CFAP54: variants seen among roughly 807,000 people sequenced by gnomAD.
CFAP54 encodes cilia- and flagella-associated protein 54.
CFAP54 carries 290 observed loss-of-function variants against 370.4 expected under a neutral mutation model. The ratio of observed to expected loss-of-function variants is 0.78; its 90% confidence interval spans 0.71 to 0.86. CFAP54 has a LOEUF of 0.86. Ranked by LOEUF, CFAP54 falls within the 40% of genes least tolerant of loss-of-function variation. CFAP54 has a pLI of 0.00. For missense variants in CFAP54, 3,399 were observed against 3,528.7 expected, an observed-to-expected ratio of 0.96 and a Z score of 0.93; for synonymous variants, 1,206 against 1,236.5, an observed-to-expected ratio of 0.98 and a Z score of 0.52.
chr12:96,866,438 AT>A, intron 67 of CFAP54, among the ~76,000 whole-genome samples: 1 of 152,280 alleles, frequency 6.6e-6, no homozygotes, highest in East Asian at 1.9e-4. Flanking sequence ...TTCAAAATTA[AT>A]TGCAAATGAA....
chr12:96,501,503 A>C (rs906782479), intron 2 of CFAP54, among the ~76,000 whole-genome samples: 3 of 152,198 alleles, frequency 2.0e-5, no homozygotes, highest in African/African-American at 7.2e-5. Context: ...TTCTACCTGA[A>C]TGTCTAGGGC....
intron 48 of CFAP54, among the ~76,000 whole-genome samples, chr12:96,717,112 A>G (rs548022131): frequency 6.6e-6 from 1 of 152,212 alleles, no homozygotes; most frequent in East Asian, 1.9e-4. Flanking sequence ...CTCATGTGGG[A>G]CCCATGTTAA....
At chr12:96,528,237 TTTG>T (rs1955404701) in intron 9 of CFAP54, among the ~76,000 whole-genome samples, 1 of 152,272 alleles carries the variant, frequency 6.6e-6, no homozygotes, top group South Asian at 2.1e-4. Flanking sequence ...AGTGTTTTTT[TTTG>T]TTGTTGTTTT....
At chr12:96,630,767 A>G in intron 32 of CFAP54, 116 bp downstream of exon 32, 1 of 490,864 alleles carries the variant, frequency 2.0e-6, no homozygotes, top group Non-Finnish European at 3.4e-6. Flanking sequence ...CACTGCCTTC[A>G]AGGAACTTAC....
In CFAP54 at chr12:96,765,213, T is replaced by C; in HGVS notation, c.8276T>C (p.Leu2759Ser). 6.6e-7 allele frequency: 1 copy of C among 1,508,716 alleles called. No homozygotes were observed. Among genetic ancestry groups the C allele is most frequent in the African/African-American group, 1.4e-5 (1 of 73,932 alleles). The allele number at this position is 1,508,716 out of a possible 1,614,324, so 93.5% of individuals were successfully genotyped here. Reference sequence around the variant, plus strand: ...CTTTTGTCTTCGTATACAGATTATTTGCTTGGTATGTTTGGATGTCTACAT... The same window carrying C: ...CTTTTGTCTTCGTATACAGATTATTCGCTTGGTATGTTTGGATGTCTACAT... ...LDLLSSYTDY[L>S]LDNYQVLFQT... The change falls in exon 60 of 68, where the codon TTG (leucine) becomes TCG (serine). Residue 2759 changes from leucine to serine, a missense_variant. Transcript: ENST00000524981.
In CFAP54 at chr12:96,522,109, A is replaced by C; in HGVS notation, c.1078A>C (p.Arg360=). The change falls in exon 8 of 68, where the codon AGA becomes CGA. Residue 360 remains arginine, a synonymous_variant. Coordinates refer to ENST00000524981, the MANE Select transcript of CFAP54 (RefSeq NM_001306084.2). ...TMKMAVMIFK[R]GVFESRRKNK... ...GCAGATGGCAGTGATGATCTTCAAA[A>C]GAGGAGTCTTTGAATCTAGAAGAAA... The C allele has an allele frequency of 6.5e-7, 1 of 1,535,738 alleles. No individual in the cohort carries two copies.
At chr12:96,685,602 A>G (rs1213963999) in intron 42 of CFAP54, among the ~76,000 whole-genome samples, 1 of 151,654 alleles carries the variant, frequency 6.6e-6, no homozygotes, top group African/African-American at 2.4e-5. Flanking sequence ...CCCTGGCTGG[A>G]GTGCAGTGGC....
chr12:96,764,189 A>G lies in CFAP54; in HGVS notation c.8079A>G (p.Ser2693=), dbSNP rs1471931996. Residue 2693 remains serine (S), a synonymous_variant, in exon 59 of 68, where the codon TCA becomes TCG. Coordinates refer to ENST00000524981, the MANE Select transcript of CFAP54 (RefSeq NM_001306084.2). ...GAAGTAGTTCTGTTAAAGAAACATC[A>G]GCAAATAAATTTGAAATGTACAGTT... ...LRRSSSVKET[S]ANKFEMYSSL... 1 of 1,613,378 alleles carries G rather than the reference A, an allele frequency of 6.2e-7. No homozygotes were observed. The highest frequency in any genetic ancestry group is 1.1e-5 in the South Asian group (1 of 90,984).
At chr12:96,792,715 A>T (rs1479444997) in intron 63 of CFAP54, among the ~76,000 whole-genome samples, 2 of 152,144 alleles carry the variant, frequency 1.3e-5, no homozygotes, top group African/African-American at 4.8e-5. Context: ...CTGATCCCAT[A>T]GGGAAAATTT....
At chr12:96,712,615 T>G (rs1565950847) in intron 48 of CFAP54, among the ~76,000 whole-genome samples, 2 of 152,262 alleles carry the variant, frequency 1.3e-5, no homozygotes, top group East Asian at 3.9e-4. Flanking sequence ...AACACCAGAA[T>G]TTATTTCTTC....
intron 36 of CFAP54, 25 bp from the exon 37 acceptor site, chr12:96,657,857 T>A (rs1956939994): frequency 6.8e-7 from 1 of 1,469,434 alleles, no homozygotes; most frequent in African/African-American, 1.4e-5. Context: ...ATTACACATT[T>A]TTTTTTTCAC....
chr12:96,686,494 T>A (rs1473325654), intron 42 of CFAP54, among the ~76,000 whole-genome samples: 1 of 152,208 alleles, frequency 6.6e-6, no homozygotes, highest in Non-Finnish European at 1.5e-5. Flanking sequence ...TACCAGCATC[T>A]GCTGGGTTTC....
At chr12:96,628,126 A>G (rs1956566441) in intron 30 of CFAP54, among the ~76,000 whole-genome samples, 1 of 152,222 alleles carries the variant, frequency 6.6e-6, no homozygotes, top group Non-Finnish European at 1.5e-5. Flanking sequence ...AGGTTTGCAT[A>G]AGTACACTCT....
intron 42 of CFAP54, among the ~76,000 whole-genome samples, chr12:96,687,855 C>G (rs1847081584): frequency 6.6e-6 from 1 of 152,210 alleles, no homozygotes; most frequent in Non-Finnish European, 1.5e-5. Context: ...CTACAGCCTT[C>G]CTGCCAGAGG....
intron 19 of CFAP54, chr12:96,565,136 G>A (rs1166778897): frequency 6.5e-6 from 1 of 153,838 alleles, no homozygotes; most frequent in Non-Finnish European, 1.4e-5. Flanking sequence ...GATAGATACT[G>A]CTAATTTATG....
intron 5 of CFAP54, among the ~76,000 whole-genome samples, chr12:96,516,962 G>A (rs1232716544): frequency 2.0e-5 from 3 of 151,524 alleles, no homozygotes; most frequent in Non-Finnish European, 4.4e-5. Context: ...CTCTTACTGG[G>A]GCCATGTTTT....
At chr12:96,519,875 TTCTA>T (rs1955283748) in intron 6 of CFAP54, among the ~76,000 whole-genome samples, 1 of 152,230 alleles carries the variant, frequency 6.6e-6, no homozygotes, top group South Asian at 2.1e-4. Context: ...TCTCAAAAAC[TTCTA>T]TCTGTTGTCT....
chr12:96,618,312 A>G (rs1300412414), intron 26 of CFAP54, among the ~76,000 whole-genome samples: 1 of 152,200 alleles, frequency 6.6e-6, no homozygotes, highest in Non-Finnish European at 1.5e-5. Context: ...ATTGATGAGG[A>G]GGGACCAGGA....
chr12:96,576,738 G>C lies in CFAP54; in HGVS notation c.2773G>C (p.Ala925Pro). The C allele has an allele frequency of 6.5e-7, 1 of 1,535,002 alleles. No homozygotes were observed. The highest frequency in any genetic ancestry group is 8.7e-7 in the Non-Finnish European group (1 of 1,146,434). ...RTHCSVTLKPAPFTSEVKVSW... is the reference protein window; with the variant it reads ...RTHCSVTLKPPPFTSEVKVSW... ...TCATTGTTCTGTGACACTCAAACCT[G>C]CTCCATTTACTTCAGAGGTTAAGGT... Residue 925 changes from alanine (A) to proline (P), a missense_variant, in exon 20 of 68, where the codon GCT becomes CCT. Ala to Pro is a conservative substitution (Grantham distance 27). This residue lies in a region of CFAP54 where 2,796 missense variants were observed against 2,869.7 expected (regional missense o/e 0.97). Coordinates refer to ENST00000524981, the MANE Select transcript of CFAP54 (RefSeq NM_001306084.2).
Sources: gnomAD v4.1 joint callset for allele counts (sites outside exome capture counted in the v4.1 genomes callset) on GRCh38, gnomAD v4.1.1 for gene constraint, gnomAD v4.1.1 regional missense constraint, MANE v1.5 for transcripts, NCBI Gene and HGNC (gene_info 2026-07-23, HGNC 2026-07-21) for gene names.